The following MAGI1 variants were observed in gnomAD, a reference collection of about 807,000 sequenced individuals.
MAGI1 encodes the protein membrane associated guanylate kinase, WW and PDZ domain containing 1.
A neutral mutation model predicts 139.9 loss-of-function variants in MAGI1; 58 were observed. The ratio of observed to expected loss-of-function variants is 0.41; its 90% CI spans 0.34 to 0.52. The LOEUF (loss-of-function observed/expected upper bound fraction) is 0.52, where lower values mean the gene tolerates loss of function less well. MAGI1 is among the 20% of genes least tolerant of loss of function. MAGI1 has a pLI of 0.12. For synonymous variants in MAGI1, 812 were observed against 737.9 expected (o/e 1.10, Z -1.63); for missense variants, 1,874 against 1,901.6 (o/e 0.99, Z 0.27).
At chr3:65,929,248 T>G (rs2062676491) in intron 1 of MAGI1, among the ~76,000 whole-genome samples, 1 of 152,202 alleles carries the variant, frequency 6.6e-6, no homozygotes, top group African/African-American at 2.4e-5. Flanking sequence ...CATTCATCCT[T>G]TCATCCTTTC....
At chr3:65,689,184 T>G (rs145682735) in intron 1 of MAGI1, among the ~76,000 whole-genome samples, 376 of 152,326 alleles carry the variant, frequency 2.5e-3, no homozygotes, top group African/African-American at 8.6e-3. Flanking sequence ...GCACTTCCCT[T>G]GAACAATCTT....
chr3:66,010,784 C>A (rs1278638288), intron 1 of MAGI1, among the ~76,000 whole-genome samples: 10 of 152,188 alleles, frequency 6.6e-5, no homozygotes, highest in Admixed American at 1.3e-4. Context: ...TTTCTGCACA[C>A]CACTCACTAC....
intron 1 of MAGI1, among the ~76,000 whole-genome samples, chr3:65,941,332 G>T (rs1482194641): frequency 6.7e-6 from 1 of 150,098 alleles, no homozygotes; most frequent in Non-Finnish European, 1.5e-5. Flanking sequence ...AGGTGACACA[G>T]CAAGACTCCG....
intron 9 of MAGI1, 30 bp from the exon 10 acceptor site, chr3:65,437,277 T>G: frequency 6.8e-7 from 1 of 1,480,714 alleles, no homozygotes; most frequent in African/African-American, 1.4e-5. Context: ...GTTTCCTATT[T>G]TTCCTTCAAA....
At chr3:65,465,502 C>G (rs187598626) in intron 5 of MAGI1, among the ~76,000 whole-genome samples, 1 of 152,188 alleles carries the variant, frequency 6.6e-6, no homozygotes, top group Admixed American at 6.5e-5. Flanking sequence ...GTTATTTTCA[C>G]TGGATGTAGA....
chr3:65,970,796 G>C (rs2064981731), intron 1 of MAGI1, among the ~76,000 whole-genome samples: 1 of 152,224 alleles, frequency 6.6e-6, no homozygotes, highest in South Asian at 2.1e-4. Flanking sequence ...GATACATTAA[G>C]TCTCAATGGT....
intron 1 of MAGI1, among the ~76,000 whole-genome samples, chr3:65,862,874 G>A (rs576392140): frequency 5.6e-4 from 86 of 152,308 alleles, no homozygotes; most frequent in African/African-American, 1.9e-3. Flanking sequence ...CAGAGGTTCT[G>A]GAGTTTCTCT....
At chr3:65,832,764 A>C (rs2042596616) in intron 1 of MAGI1, among the ~76,000 whole-genome samples, 1 of 152,136 alleles carries the variant, frequency 6.6e-6, no homozygotes, top group South Asian at 2.1e-4. Context: ...CATCAGGCAA[A>C]GCATCTGCCT....
chr3:65,833,447 C>A (rs2042638230), intron 1 of MAGI1, among the ~76,000 whole-genome samples: 1 of 152,112 alleles, frequency 6.6e-6, no homozygotes, highest in Admixed American at 6.6e-5. Flanking sequence ...AACACCCATA[C>A]AATACAATCT....
chr3:65,677,769 C>G (rs2087291396), intron 1 of MAGI1, among the ~76,000 whole-genome samples: 1 of 152,194 alleles, frequency 6.6e-6, no homozygotes, highest in Non-Finnish European at 1.5e-5. Flanking sequence ...CTTGGCCGAA[C>G]CCCAATCCAC....
intron 2 of MAGI1, among the ~76,000 whole-genome samples, chr3:65,549,085 G>A (rs1182305216): frequency 6.6e-6 from 1 of 152,128 alleles, no homozygotes; most frequent in Non-Finnish European, 1.5e-5. Flanking sequence ...GGCGGCCCCT[G>A]CTCGGGCCCT....
At chr3:65,408,200 T>A (rs904255647) in intron 12 of MAGI1, among the ~76,000 whole-genome samples, 1 of 152,188 alleles carries the variant, frequency 6.6e-6, no homozygotes, top group African/African-American at 2.4e-5. Flanking sequence ...AGGGTGAGAT[T>A]TACTTTAGCT....
At chr3:65,864,486 C>G (rs2108456311) in intron 1 of MAGI1, among the ~76,000 whole-genome samples, 1 of 152,354 alleles carries the variant, frequency 6.6e-6, no homozygotes, top group African/African-American at 2.4e-5. Flanking sequence ...ATGGGGAAGC[C>G]TGGACTGTCA....
intron 1 of MAGI1, among the ~76,000 whole-genome samples, chr3:65,778,188 G>A (rs1046690319): frequency 6.6e-6 from 1 of 152,112 alleles, no homozygotes; most frequent in South Asian, 2.1e-4. Flanking sequence ...CCAGCACTTT[G>A]GGGGGCCAAG....
chr3:65,529,805 T>C, intron 2 of MAGI1, among the ~76,000 whole-genome samples: 1 of 148,044 alleles, frequency 6.8e-6, no homozygotes, highest in Non-Finnish European at 1.5e-5. Flanking sequence ...TAAAAATGTA[T>C]ATACACATAT....
At chr3:65,769,684 A>G (rs2037788646) in intron 1 of MAGI1, among the ~76,000 whole-genome samples, 1 of 152,170 alleles carries the variant, frequency 6.6e-6, no homozygotes, top group Non-Finnish European at 1.5e-5. Flanking sequence ...GACTTTGATG[A>G]TAAGATGTAG....
At chr3:65,806,023 G>A (rs2040833181) in intron 1 of MAGI1, among the ~76,000 whole-genome samples, 1 of 152,074 alleles carries the variant, frequency 6.6e-6, no homozygotes. Context: ...CATAAGTGCA[G>A]CAAACCACCA....
intron 2 of MAGI1, among the ~76,000 whole-genome samples, chr3:65,603,814 C>G (rs2082599540): frequency 6.6e-6 from 1 of 152,192 alleles, no homozygotes; most frequent in South Asian, 2.1e-4. Flanking sequence ...GTCTCTCCTT[C>G]CAAGATGGCG....
intron 2 of MAGI1, among the ~76,000 whole-genome samples, chr3:65,552,259 GGTGTGTGTGTGT>G (rs10576104): frequency 2.7e-5 from 4 of 147,940 alleles, no homozygotes; most frequent in South Asian, 2.2e-4. Flanking sequence ...TGTGTATAGG[GGTGTGTGTGTGT>G]GTGTGTGTGT....
Sources: allele counts gnomAD v4.1 joint callset (sites outside exome capture counted in the v4.1 genomes callset), GRCh38; gene constraint gnomAD v4.1.1; transcripts MANE v1.5; gene names NCBI Gene and HGNC (gene_info 2026-07-23, HGNC 2026-07-21).